The following SCARA3 variants were observed in gnomAD, a reference collection of about 807,000 sequenced individuals.
SCARA3 encodes scavenger receptor class A member 3, also known as cellular stress response gene protein.
SCARA3 carries 39 observed loss-of-function variants against 47.0 expected under a neutral mutation model. The ratio of observed to expected loss-of-function variants is 0.83; its 90% CI spans 0.64 to 1.08. The LOEUF is 1.08. Ranked by LOEUF, SCARA3 falls within the 50% of genes least tolerant of loss-of-function variation. SCARA3 has a pLI of 0.00. For missense variants in SCARA3, 724 were observed against 792.3 expected (o/e 0.91, Z 1.04); for synonymous variants, 356 against 334.1 (o/e 1.07, Z -0.71).
chr8:27,726,816 C>T, the SCARA3 span, among the ~76,000 whole-genome samples: 177 of 152,228 alleles, frequency 1.2e-3, no homozygotes, highest in Admixed American at 8.6e-3. Context: ...GATGCGGTCT[C>T]ACTCTGTCAC....
At chr8:27,720,299 G>C in the SCARA3 span, among the ~76,000 whole-genome samples, 1 of 149,988 alleles carries the variant, frequency 6.7e-6, no homozygotes, top group African/African-American at 2.4e-5. Flanking sequence ...TGGGAAGCTT[G>C]AAGCTGATAT....
rs757543727 is a variant in SCARA3, at chr8:27,658,878, G to T, written c.708G>T (p.Gly236=). ...TVGQTSEWIH[G]IQRKTDEETL... ...GGCAGACTTCCGAGTGGATCCACGG[G>T]ATCCAGCGGAAGACAGACGAGGAGA... The change falls in exon 5 of 6, where the codon GGG becomes GGT. Residue 236 remains glycine, a synonymous_variant. Coordinates refer to ENST00000301904, the MANE Select transcript of SCARA3 (RefSeq NM_016240.3). 1 of 1,614,158 alleles carries T rather than the reference G, an allele frequency of 6.2e-7. No individual in the cohort carries two copies. Among genetic ancestry groups the T allele is most frequent in the Admixed American group, 1.7e-5 (1 of 60,030 alleles).
chr8:27,697,899 T>G, the SCARA3 span, among the ~76,000 whole-genome samples: 1 of 152,250 alleles, frequency 6.6e-6, no homozygotes, highest in Admixed American at 6.5e-5. Flanking sequence ...CCATTAAACC[T>G]CTTTCCTTTG....
At chr8:27,644,621 G>GGGGAGAGA (rs1554536821) in intron 1 of SCARA3, among the ~76,000 whole-genome samples, 1 of 147,178 alleles carries the variant, frequency 6.8e-6, no homozygotes, top group Non-Finnish European at 1.5e-5. Context: ...GAAAAGAAGG[G>GGGGAGAGA]GAGAGAGAGA....
At chr8:27,642,659 C>T (rs1402977651) in intron 1 of SCARA3, among the ~76,000 whole-genome samples, 1 of 152,006 alleles carries the variant, frequency 6.6e-6, no homozygotes. Context: ...CTTGTCTCTA[C>T]AAAAAATAAG....
rs1216320304 is a variant in SCARA3, at chr8:27,671,106, G to C, written c.1576G>C (p.Gly526Arg). 9 of 1,601,394 alleles carry C rather than the reference G, an allele frequency of 5.6e-6. No individual in the cohort carries two copies. The highest frequency in any genetic ancestry group is 7.7e-6 in the Non-Finnish European group (9 of 1,173,852). The change falls in exon 6 of 6, where the codon GGC (glycine) becomes CGC (arginine). Residue 526 changes from glycine (G) to arginine (R), a missense_variant. Transcript: ENST00000301904. ...GTTCCCAGGCCTCAAAGGCTCAAAGGGCAGCTTTGGAACTGGAGGGCCGAG... is the reference window on the plus strand; with the variant it reads ...GTTCCCAGGCCTCAAAGGCTCAAAGCGCAGCTTTGGAACTGGAGGGCCGAG... Reference protein sequence around the residue: ...RGFPGLKGSKGSFGTGGPRGQ... With the variant: ...RGFPGLKGSKRSFGTGGPRGQ...
chr8:27,708,493 C>T, the SCARA3 span, among the ~76,000 whole-genome samples: 32 of 151,816 alleles, frequency 2.1e-4, no homozygotes, highest in Admixed American at 3.9e-4. Context: ...TACACAATCT[C>T]GTAACTCTAT....
At chr8:27,668,211 G>A (rs1455652613) in intron 5 of SCARA3, among the ~76,000 whole-genome samples, 8 of 152,192 alleles carry the variant, frequency 5.3e-5, no homozygotes, top group African/African-American at 1.9e-4. Flanking sequence ...AGGAGGGAGA[G>A]TTTTTTCTCC....
intron 1 of SCARA3, among the ~76,000 whole-genome samples, chr8:27,643,520 G>A (rs539909595): frequency 4.6e-5 from 7 of 152,194 alleles, no homozygotes; most frequent in Non-Finnish European, 4.4e-5. Context: ...ATTCCCAACC[G>A]ATTACAGACA....
the SCARA3 span, among the ~76,000 whole-genome samples, chr8:27,705,039 A>G: frequency 6.6e-6 from 1 of 152,066 alleles, no homozygotes; most frequent in African/African-American, 2.4e-5. Context: ...CCAAAACGGA[A>G]CTCACACCAC....
At chr8:27,711,215 C>T in the SCARA3 span, among the ~76,000 whole-genome samples, 2 of 152,300 alleles carry the variant, frequency 1.3e-5, no homozygotes, top group South Asian at 2.1e-4. Context: ...AGCCACCACA[C>T]CAGGCCCTGG....
chr8:27,647,304 T>C (rs1801525588), intron 1 of SCARA3, among the ~76,000 whole-genome samples: 1 of 152,174 alleles, frequency 6.6e-6, no homozygotes, highest in South Asian at 2.1e-4. Flanking sequence ...ATGTTCTCTC[T>C]CTGTCTCTCA....
At chr8:27,667,069 A>ACTAGCCCTTCT (rs1198619672) in intron 5 of SCARA3, among the ~76,000 whole-genome samples, 1 of 152,124 alleles carries the variant, frequency 6.6e-6, no homozygotes, top group Non-Finnish European at 1.5e-5. Flanking sequence ...CAGAGCAGCC[A>ACTAGCCCTTCT]CTAGCCCTTC....
In SCARA3 at chr8:27,659,571, A is replaced by G. The variant is rs377068232; in HGVS notation, c.1369+32A>G. On this transcript the variant is annotated intron_variant, in intron 5 of 5. Coordinates refer to ENST00000301904, the MANE Select transcript of SCARA3 (RefSeq NM_016240.3). ...GCTGGGTCCAGGTAGGGCTGCTACA[A>G]AGCTTCCACTGAGGCTTGGTGATCT... 10 of 1,543,622 alleles carry G rather than the reference A, an allele frequency of 6.5e-6. No homozygotes were observed. The African/African-American group carries it at 1.4e-4, about 21-fold the overall frequency.
intron 5 of SCARA3, among the ~76,000 whole-genome samples, chr8:27,665,219 A>T (rs1041928100): frequency 3.9e-5 from 6 of 152,240 alleles, no homozygotes; most frequent in African/African-American, 1.4e-4. Context: ...CTTTAGGCAG[A>T]ATCACTTCAT....
the SCARA3 span, among the ~76,000 whole-genome samples, chr8:27,731,893 C>T: frequency 4.5e-5 from 6 of 133,636 alleles, no homozygotes; most frequent in Non-Finnish European, 6.5e-5. Context: ...GGGCACTGCA[C>T]GGTACCCCGA....
intron 1 of SCARA3, among the ~76,000 whole-genome samples, chr8:27,634,584 G>T (rs1257009058): frequency 6.6e-6 from 1 of 152,128 alleles, no homozygotes; most frequent in African/African-American, 2.4e-5. Flanking sequence ...CATCAGAGAG[G>T]CCCCTGCATC....
At chr8:27,668,928 T>C (rs1272770041) in intron 5 of SCARA3, among the ~76,000 whole-genome samples, 1 of 151,854 alleles carries the variant, frequency 6.6e-6, no homozygotes, top group African/African-American at 2.4e-5. Context: ...TAGAAAGGAA[T>C]GGAGTTCCAG....
intron 1 of SCARA3, among the ~76,000 whole-genome samples, chr8:27,638,600 A>T (rs146528346): frequency 6.6e-6 from 1 of 152,300 alleles, no homozygotes; most frequent in South Asian, 2.1e-4. Flanking sequence ...TCACGCAGGC[A>T]TTCCGTAAAC....
Sources: allele counts gnomAD v4.1 joint callset (sites outside exome capture counted in the v4.1 genomes callset), GRCh38; gene constraint gnomAD v4.1.1; transcripts MANE v1.5; gene names NCBI Gene and HGNC (gene_info 2026-07-23, HGNC 2026-07-21).